The following GARNL3 variants were observed in gnomAD, a reference collection of about 807,000 sequenced individuals.
The protein encoded by GARNL3 is GTPase activating Rap/RanGAP domain like 3.
GARNL3 carries 63 observed loss-of-function variants against 125.0 expected under a neutral mutation model. The observed-to-expected ratio is 0.50, with a 90% CI of 0.41 to 0.62. The LOEUF is 0.62. GARNL3 is among the 20% of genes least tolerant of loss of function. GARNL3 has a pLI of 0.00. For missense variants in GARNL3, 994 were observed against 1,244.0 expected (o/e 0.80, Z 3.02); for synonymous variants, 439 against 457.5 (o/e 0.96, Z 0.52).
Position 127,305,040 on chromosome 9 carries a change from G to T in GARNL3, c.220-6596G>T, listed in dbSNP as rs1470644246. On this transcript the variant is annotated intron_variant, in intron 2 of 27. Transcript: ENST00000373387. ...CGCCTGACTCAAATACACATCATATGATTTCATTTTCGTAACGCTCAAGAG... is the reference window on the plus strand; with the variant it reads ...CGCCTGACTCAAATACACATCATATTATTTCATTTTCGTAACGCTCAAGAG... Among the ~76,000 whole-genome samples the T allele has an allele frequency of 2.0e-5, 3 of 152,132 alleles. No homozygotes were observed. In the East Asian group the frequency reaches 5.8e-4, roughly 29 times the overall value.
intron 2 of GARNL3, among the ~76,000 whole-genome samples, chr9:127,244,471 T>C (rs1386820188): frequency 6.6e-6 from 1 of 152,112 alleles, no homozygotes; most frequent in Non-Finnish European, 1.5e-5. Flanking sequence ...CAGGGTAGCT[T>C]TAAAAACATA....
At chr9:127,348,179 C>T (rs1198414407) in intron 16 of GARNL3, among the ~76,000 whole-genome samples, 1 of 152,184 alleles carries the variant, frequency 6.6e-6, no homozygotes, top group Non-Finnish European at 1.5e-5. Context: ...TTATCCAGTG[C>T]TTTGGAGGGA....
chr9:127,262,138 T>C (rs1340685208), upstream of GARNL3, among the ~76,000 whole-genome samples: 1 of 152,158 alleles, frequency 6.6e-6, no homozygotes, highest in Non-Finnish European at 1.5e-5. Context: ...TGCCTACTAC[T>C]TTAGGGTGTT....
At chr9:127,306,523 C>G (rs1000551086) in intron 2 of GARNL3, among the ~76,000 whole-genome samples, 4 of 152,154 alleles carry the variant, frequency 2.6e-5, no homozygotes, top group Non-Finnish European at 2.9e-5. Flanking sequence ...GTCAGGAGAT[C>G]AAGACCATCC....
At chr9:127,256,999 G>C (rs1013627072) in intron 2 of GARNL3, among the ~76,000 whole-genome samples, 24 of 152,238 alleles carry the variant, frequency 1.6e-4, no homozygotes, top group African/African-American at 5.8e-4. Context: ...TCTATAATTT[G>C]GTCATTTCAA....
At chr9:127,341,727 A>G (rs1829870127) in intron 13 of GARNL3, among the ~76,000 whole-genome samples, 1 of 152,238 alleles carries the variant, frequency 6.6e-6, no homozygotes, top group African/African-American at 2.4e-5. Flanking sequence ...AAGTGGAGCC[A>G]GTCAACAGAT....
intron 17 of GARNL3, chr9:127,353,631 A>G: frequency 1.8e-6 from 1 of 547,796 alleles, no homozygotes; most frequent in South Asian, 2.2e-5. Flanking sequence ...CGGGATATAG[A>G]ATTGCCTATG....
Position 127,265,037 on chromosome 9 carries a change from C to T in GARNL3, c.144+16C>T. The T allele has an allele frequency of 6.2e-7, 1 of 1,607,740 alleles. No homozygotes were observed. Among genetic ancestry groups the T allele is most frequent in the Non-Finnish European group, 8.5e-7 (1 of 1,175,908 alleles). ...TGTGGAGCTGGTAAGTTTATGCTGT[C>T]TGTTCAGTGGTAGTACATTGATTTA... On this transcript the variant is annotated intron_variant, in intron 1 of 27. Transcript: ENST00000373387.
intron 11 of GARNL3, 27 bp from the exon 12 acceptor site, chr9:127,338,089 G>A (rs749211519): frequency 1.9e-6 from 3 of 1,574,642 alleles, no homozygotes; most frequent in African/African-American, 2.7e-5. Context: ...TCAGTGTTGT[G>A]ATTAGTTCCC....
intron 4 of GARNL3, among the ~76,000 whole-genome samples, 197 bp downstream of exon 4, chr9:127,313,756 A>T (rs183317882): frequency 3.0e-4 from 42 of 138,096 alleles, no homozygotes; most frequent in Admixed American, 2.3e-3. Flanking sequence ...TGGCCTTTTG[A>T]AAAAAAAAAA....
At chr9:127,324,460 C>T (rs916849352) in intron 6 of GARNL3, among the ~76,000 whole-genome samples, 5 of 152,114 alleles carry the variant, frequency 3.3e-5, no homozygotes, top group Non-Finnish European at 7.4e-5. Flanking sequence ...CCATCCTGAC[C>T]CTCGTCGCCT....
chr9:127,325,956 A>G (rs2065558136), intron 7 of GARNL3, among the ~76,000 whole-genome samples: 1 of 152,202 alleles, frequency 6.6e-6, no homozygotes, highest in Non-Finnish European at 1.5e-5. Context: ...GGGAAGCCCC[A>G]GATCCTGACC....
intron 1 of GARNL3, among the ~76,000 whole-genome samples, chr9:127,237,756 A>G (rs552385409): frequency 8.9e-4 from 136 of 152,346 alleles, no homozygotes; most frequent in African/African-American, 3.0e-3. Flanking sequence ...AGACTTTCCA[A>G]CCATAAGTGT....
intron 1 of GARNL3, among the ~76,000 whole-genome samples, chr9:127,269,328 CTT>C (rs1480865780): frequency 6.6e-6 from 1 of 152,216 alleles, no homozygotes; most frequent in Non-Finnish European, 1.5e-5. Context: ...TTGATGAACA[CTT>C]GCGTTGTTTC....
chr9:127,339,528 G>A, intron 12 of GARNL3, 117 bp from the exon 13 acceptor site: 2 of 718,328 alleles, frequency 2.8e-6, no homozygotes, highest in Non-Finnish European at 5.0e-6. Context: ...CCTCTCCCTG[G>A]GTCCCACCCA....
At chr9:127,312,391 C>CG (rs2065120739) in intron 3 of GARNL3, among the ~76,000 whole-genome samples, 1 of 152,070 alleles carries the variant, frequency 6.6e-6, no homozygotes, top group African/African-American at 2.4e-5. Flanking sequence ...GAGTGCATAT[C>CG]TAGTAGGTTT....
intron 22 of GARNL3, among the ~76,000 whole-genome samples, 183 bp downstream of exon 22, chr9:127,365,549 T>C: frequency 6.6e-6 from 1 of 152,150 alleles, no homozygotes; most frequent in East Asian, 1.9e-4. Flanking sequence ...ACCAGGCCTC[T>C]TGGTGACACA....
rs116661980 is a variant in GARNL3, at chr9:127,357,525, G to C, written c.2094+148G>C. 3.5e-3 allele frequency: 2,653 copies of C among 759,242 alleles called. 69 individuals carry two copies. The African/African-American group carries it at 0.044, about 12-fold the overall frequency. The allele number at this position is 759,242 out of a possible 1,614,324, so 47.0% of individuals were successfully genotyped here. A position where few individuals can be genotyped will look rare whatever the true frequency, so the allele number is the denominator to read the frequency against. The stretch of plus-strand genomic sequence containing the variant: ...TTATGTGATTCACTATTTAGACTGA[G>C]CCATGTGAAGTTACCATTTTTATAG... On this transcript the variant is annotated intron_variant, in intron 21 of 27. Coordinates refer to ENST00000373387, the MANE Select transcript of GARNL3 (RefSeq NM_032293.5).
At chr9:127,241,468 A>G (rs2063203112) in intron 1 of GARNL3, among the ~76,000 whole-genome samples, 1 of 151,442 alleles carries the variant, frequency 6.6e-6, no homozygotes, top group Non-Finnish European at 1.5e-5. Context: ...GCGCTTTGTC[A>G]TGAGTGGGTG....
Sources: gnomAD v4.1 joint callset for allele counts (sites outside exome capture counted in the v4.1 genomes callset) on GRCh38, gnomAD v4.1.1 for gene constraint, MANE v1.5 for transcripts, NCBI Gene and HGNC (gene_info 2026-07-23, HGNC 2026-07-21) for gene names.